REEP5: variants seen among roughly 807,000 people sequenced by gnomAD.
REEP5 encodes the protein receptor expression-enhancing protein 5.
A neutral mutation model predicts 22.4 loss-of-function variants in REEP5; 24 were observed. The observed-to-expected ratio is 1.07, with a 90% CI of 0.78 to 1.51. REEP5 has a LOEUF of 1.51. Among genes scored for constraint, REEP5 ranks in the 40% most tolerant of loss-of-function variants. REEP5 has a pLI of 0.00. For synonymous variants in REEP5, 103 were observed against 88.6 expected (o/e 1.16, Z -0.92); for missense variants, 252 against 233.0 (o/e 1.08, Z -0.53).
intron 3 of REEP5, among the ~76,000 whole-genome samples, chr5:112,899,616 G>C (rs1056649028): frequency 2.0e-5 from 3 of 152,078 alleles, no homozygotes; most frequent in Non-Finnish European, 1.5e-5. Context: ...ATTATATACA[G>C]TTGACAACAA....
At chr5:112,921,867 C>G in intron 1 of REEP5, 1 of 513,140 alleles carries the variant, frequency 1.9e-6, no homozygotes, top group East Asian at 4.3e-5. Flanking sequence ...GCCCTCCAGC[C>G]CCGCGACCCT....
At chr5:112,891,461 A>C (rs1768444950) in intron 3 of REEP5, 19 of 732,032 alleles carry the variant, frequency 2.6e-5, no homozygotes, top group African/African-American at 3.6e-5. Context: ...GTCTAACTGC[A>C]ATATAAAGGA....
chr5:112,921,058 G>A, intron 2 of REEP5, 105 bp downstream of exon 2: 2 of 1,119,848 alleles, frequency 1.8e-6, no homozygotes, highest in Non-Finnish European at 2.6e-6. Context: ...TCCCCGCCGA[G>A]CTTTCACTTT....
intron 4 of REEP5, 101 bp downstream of exon 4, chr5:112,886,914 G>T: frequency 1.2e-6 from 1 of 803,316 alleles, no homozygotes; most frequent in Non-Finnish European, 2.0e-6. Context: ...GCATTTGGCT[G>T]AGGGGTGGTG....
At chr5:112,904,141 C>T (rs1265646458) in intron 2 of REEP5, among the ~76,000 whole-genome samples, 1 of 152,142 alleles carries the variant, frequency 6.6e-6, no homozygotes, top group Non-Finnish European at 1.5e-5. Context: ...TTTCAAAGTA[C>T]AAGAATCATA....
chr5:112,891,736 C>T lies in REEP5; in HGVS notation c.352-4553G>A, dbSNP rs138700341. On this transcript the variant is annotated intron_variant, in intron 3 of 4. Coordinates refer to ENST00000379638, the MANE Select transcript of REEP5 (RefSeq NM_005669.5). ...CAGGGCCGCCCTGAAGAAGGAGAAA[C>T]GAAAGAAACGTCGGCAGGAACTTGC... is the stretch of plus-strand genomic sequence containing the variant. The T allele has an allele frequency of 5.2e-4, 844 of 1,613,922 alleles. 5 individuals carry two copies. The Admixed American group carries it at 9.5e-3, about 18-fold the overall frequency.
intron 2 of REEP5, among the ~76,000 whole-genome samples, chr5:112,913,908 ATG>A (rs1331149189): frequency 1.4e-5 from 2 of 138,612 alleles, no homozygotes; most frequent in South Asian, 4.5e-4. Flanking sequence ...TCAAAACTGA[ATG>A]TGTGTGTGTT....
rs776474374 is a variant in REEP5 at position 112,922,091 on chromosome 5, T to G, written c.100A>C (p.Arg34=). 8.4e-5 allele frequency: 134 copies of G among 1,603,470 alleles called. No individual in the cohort carries two copies. The highest frequency in any genetic ancestry group is 1.1e-4 in the Non-Finnish European group (129 of 1,175,286). ...AKLEAKTGVN[R]SFIALGVIGL... ...CACCCACCAAGAGCGATGAAGCTCC[T>G]GTTCACGCCGGTTTTGGCCTCGAGC... is the stretch of plus-strand genomic sequence containing the variant. Residue 34 remains arginine (R), a synonymous_variant, in exon 1 of 5, where the codon AGG becomes CGG. Coordinates refer to ENST00000379638, the MANE Select transcript of REEP5 (RefSeq NM_005669.5).
chr5:112,910,503 A>AT lies in REEP5; in HGVS notation c.213-7986dup, dbSNP rs1769074946. Among the ~76,000 whole-genome samples, 3 of 152,230 alleles carry AT rather than the reference A, an allele frequency of 2.0e-5. No individual in the cohort carries two copies. The South Asian group carries it at 6.2e-4, about 32-fold the overall frequency. On this transcript the variant is annotated intron_variant, in intron 2 of 4. Transcript: ENST00000379638. Reference sequence around the variant, plus strand: ...AAAAAACTTCACTTACCACCTAGGCATTCTATAATACCAGATTTTTAAAAC... The same window carrying AT: ...AAAAAACTTCACTTACCACCTAGGCATTTCTATAATACCAGATTTTTAAAAC...
chr5:112,896,215 A>C lies in REEP5; in HGVS notation c.351+6165T>G, dbSNP rs1768676208. Reference sequence around the variant, plus strand: ...GATTTCCCTGTCTTTTTAGCCTCCTACGAACATTAAGAAGAAAAATGTTGC... The same window carrying C: ...GATTTCCCTGTCTTTTTAGCCTCCTCCGAACATTAAGAAGAAAAATGTTGC... On this transcript the variant is annotated intron_variant, in intron 3 of 4. Transcript: ENST00000379638. 2.0e-5 allele frequency: 3 copies of C among 152,766 alleles called. 1 individual carries two copies. The highest frequency in any genetic ancestry group is 4.8e-5 in the African/African-American group (2 of 41,590). 9.5% of individuals were successfully genotyped at this position (152,766 alleles called of 1,614,324 possible).
chr5:112,911,150 T>A (rs998096152), intron 2 of REEP5, among the ~76,000 whole-genome samples: 1 of 152,210 alleles, frequency 6.6e-6, no homozygotes, highest in Non-Finnish European at 1.5e-5. Flanking sequence ...TAGCGCTATA[T>A]GGCAACAATC....
chr5:112,878,331 T>C lies in REEP5; in HGVS notation c.*455A>G, dbSNP rs539722285. ...TGCATGTTGTAGTCAGACAGTAACATTTCCATATGTACATGTGCACAAATA... is the reference window on the plus strand; with the variant it reads ...TGCATGTTGTAGTCAGACAGTAACACTTCCATATGTACATGTGCACAAATA... On this transcript the variant is annotated 3_prime_UTR_variant, in exon 5 of 5. Transcript: ENST00000379638. 2 of 158,130 alleles carry C rather than the reference T, an allele frequency of 1.3e-5. No homozygotes were observed. Among genetic ancestry groups the C allele is most frequent in the South Asian group, 1.9e-4 (1 of 5,374 alleles). The allele number at this position is 158,130 out of a possible 1,614,324, so 9.8% of individuals were successfully genotyped here.
At chr5:112,902,217 T>G (rs555718979) in intron 3 of REEP5, among the ~76,000 whole-genome samples, 163 bp downstream of exon 3, 52 of 146,896 alleles carry the variant, frequency 3.5e-4, no homozygotes, top group East Asian at 1.3e-3. Flanking sequence ...AGCATTTTTT[T>G]GTTTTTGTTT....
At position 112,901,337 on chromosome 5, in the gene REEP5, T is replaced by G. The variant is rs369375992; in HGVS notation, c.351+1043A>C. Reference sequence around the variant, plus strand: ...ACATTAGGTGTGAACAATATAATAGTTGAAATGAAGAACACGGTATATAGC... The same window carrying G: ...ACATTAGGTGTGAACAATATAATAGGTGAAATGAAGAACACGGTATATAGC... On this transcript the variant is annotated intron_variant, in intron 3 of 4. Coordinates refer to ENST00000379638, the MANE Select transcript of REEP5 (RefSeq NM_005669.5). 3.9e-5 allele frequency among the ~76,000 whole-genome samples: 6 copies of G among 152,118 alleles called. No homozygotes were observed. In the East Asian group the frequency reaches 7.7e-4, roughly 20 times the overall value.
intron 2 of REEP5, among the ~76,000 whole-genome samples, chr5:112,916,246 T>C (rs2150048410): frequency 6.6e-6 from 1 of 152,318 alleles, no homozygotes; most frequent in South Asian, 2.1e-4. Flanking sequence ...TTGTAGATAT[T>C]TTCATTGTTT....
intron 3 of REEP5, among the ~76,000 whole-genome samples, 155 bp from the exon 4 acceptor site, chr5:112,887,338 T>C (rs1227038669): frequency 6.6e-6 from 1 of 152,158 alleles, no homozygotes; most frequent in Non-Finnish European, 1.5e-5. Flanking sequence ...AGGTGGGCTT[T>C]CTTTAGATGG....
At chr5:112,911,328 C>T (rs1344117314) in intron 2 of REEP5, among the ~76,000 whole-genome samples, 2 of 152,154 alleles carry the variant, frequency 1.3e-5, no homozygotes, top group Non-Finnish European at 2.9e-5. Context: ...GGCTGCAGCT[C>T]ACTGAACTGA....
In REEP5 at chr5:112,901,890, G is replaced by A. The variant is rs189960407; in HGVS notation, c.351+490C>T. On this transcript the variant is annotated intron_variant, in intron 3 of 4. Coordinates refer to ENST00000379638, the MANE Select transcript of REEP5 (RefSeq NM_005669.5). ...AGGCAGGAGAATTGCTTGAACCTGG[G>A]GGGTGGAGGTTGCAGTGAGCCAAGA... is the stretch of plus-strand genomic sequence containing the variant. Among the ~76,000 whole-genome samples the A allele has an allele frequency of 1.9e-3, 290 of 150,760 alleles. 3 individuals carry two copies. Among genetic ancestry groups the A allele is most frequent in the African/African-American group, 6.6e-3 (272 of 41,062 alleles).
At chr5:112,880,052 C>G (rs755387160) in intron 4 of REEP5, among the ~76,000 whole-genome samples, 1 of 152,104 alleles carries the variant, frequency 6.6e-6, no homozygotes, top group African/African-American at 2.4e-5. Flanking sequence ...TGCCACCATT[C>G]TCTCCTATGA....
Sources: allele counts gnomAD v4.1 joint callset (sites outside exome capture counted in the v4.1 genomes callset), GRCh38; gene constraint gnomAD v4.1.1; transcripts MANE v1.5; gene names NCBI Gene and HGNC (gene_info 2026-07-23, HGNC 2026-07-21).